AHCYL2: variants seen among roughly 807,000 people sequenced by gnomAD.
AHCYL2 encodes S-adenosylhomocysteine hydrolase-like protein 2.
Under a neutral mutation model 81.4 loss-of-function variants are expected in AHCYL2, and 28 were observed. That is an observed-to-expected ratio of 0.34 (90% CI 0.25 to 0.47). AHCYL2 has a LOEUF of 0.47. Among genes scored for constraint, AHCYL2 ranks in the 20% least tolerant of loss-of-function variants. The pLI is 1.00. For missense variants in AHCYL2, 551 were observed against 785.1 expected (o/e 0.70, Z 3.56); for synonymous variants, 272 against 290.2 (o/e 0.94, Z 0.64).
intron 1 of AHCYL2, among the ~76,000 whole-genome samples, chr7:129,231,826 G>A (rs550791572): frequency 3.9e-5 from 6 of 152,186 alleles, no homozygotes; most frequent in African/African-American, 1.4e-4. Context: ...GATTAAATTA[G>A]ATGATTATTT....
At chr7:129,358,195 C>T (rs1793805422) in intron 1 of AHCYL2, among the ~76,000 whole-genome samples, 9 of 151,830 alleles carry the variant, frequency 5.9e-5, no homozygotes, top group Admixed American at 5.9e-4. Flanking sequence ...AGATTGAGAC[C>T]ATCCTGGCTA....
chr7:129,425,534 C>T (rs558216855), intron 15 of AHCYL2, among the ~76,000 whole-genome samples: 5 of 152,288 alleles, frequency 3.3e-5, no homozygotes, highest in South Asian at 2.1e-4. Context: ...TTTTCTCAGA[C>T]GACACAAGAC....
chr7:129,304,559 T>G (rs1797360682), intron 1 of AHCYL2, among the ~76,000 whole-genome samples: 1 of 152,206 alleles, frequency 6.6e-6, no homozygotes. Context: ...ATCTGGGTGC[T>G]CCAGTGTTGG....
At chr7:129,230,700 G>C (rs1336215189) in intron 1 of AHCYL2, among the ~76,000 whole-genome samples, 1 of 151,370 alleles carries the variant, frequency 6.6e-6, no homozygotes, top group Non-Finnish European at 1.5e-5. Flanking sequence ...AGCCTCCCGA[G>C]TAGCTGGGAC....
chr7:129,405,730 A>G, intron 8 of AHCYL2, 106 bp from the exon 9 acceptor site: 8 of 1,065,758 alleles, frequency 7.5e-6, no homozygotes, highest in Non-Finnish European at 1.1e-5. Context: ...TTTCTTTCAA[A>G]ATGAAAAACC....
chr7:129,327,490 G>C (rs989088523), intron 1 of AHCYL2, among the ~76,000 whole-genome samples: 3 of 152,080 alleles, frequency 2.0e-5, no homozygotes, highest in Non-Finnish European at 4.4e-5. Context: ...TATCTGAGAC[G>C]GAGTCTAGCT....
At chr7:129,246,280 A>G (rs1390648412) in intron 1 of AHCYL2, among the ~76,000 whole-genome samples, 1 of 151,248 alleles carries the variant, frequency 6.6e-6, no homozygotes, top group Non-Finnish European at 1.5e-5. Context: ...CTGGTCTTGA[A>G]CTCCCGACCT....
chr7:129,239,506 G>A (rs7780886), intron 1 of AHCYL2, among the ~76,000 whole-genome samples: 37,905 of 150,992 alleles, frequency 0.25, 4,855 homozygotes, highest in East Asian at 0.42. Flanking sequence ...GAGTGCAATG[G>A]TGTGATCATA....
intron 1 of AHCYL2, among the ~76,000 whole-genome samples, chr7:129,260,939 C>A (rs140010221): frequency 6.6e-6 from 1 of 152,176 alleles, no homozygotes; most frequent in South Asian, 2.1e-4. Context: ...CAGGCGTACG[C>A]CACCACCCTC....
chr7:129,373,113 A>T (rs566626460), intron 1 of AHCYL2, among the ~76,000 whole-genome samples: 331 of 152,120 alleles, frequency 2.2e-3, no homozygotes, highest in African/African-American at 7.3e-3. Flanking sequence ...TTTTTTTTTT[A>T]AATTACAAAA....
chr7:129,374,826 T>C (rs1794596914), intron 1 of AHCYL2, among the ~76,000 whole-genome samples: 1 of 142,148 alleles, frequency 7.0e-6, no homozygotes, highest in Non-Finnish European at 1.5e-5. Flanking sequence ...AAAAAAAAAA[T>C]CTGCCATTTT....
rs1188273830 is a variant in AHCYL2 at position 129,429,507 on chromosome 7, G to A, written c.*2462G>A. On this transcript the variant is annotated 3_prime_UTR_variant, in exon 17 of 17. Coordinates refer to ENST00000325006, the MANE Select transcript of AHCYL2 (RefSeq NM_015328.4). ...AACATTTTCTCTACAATGAATCTGT[G>A]CTAATATTTTGCCTTCTTTCTTTCT... 1 of 152,124 alleles carries A rather than the reference G, an allele frequency of 6.6e-6. No individual in the cohort carries two copies. Among genetic ancestry groups the A allele is most frequent in the Non-Finnish European group, 1.5e-5 (1 of 68,034 alleles). The allele number at this position is 152,124 out of a possible 1,614,324, so 9.4% of individuals were successfully genotyped here.
At chr7:129,343,396 C>T (rs769033382) in intron 1 of AHCYL2, among the ~76,000 whole-genome samples, 1 of 152,100 alleles carries the variant, frequency 6.6e-6, no homozygotes, top group Non-Finnish European at 1.5e-5. Flanking sequence ...GCTGATGTCA[C>T]TTTGTTAGCG....
At chr7:129,262,064 C>T (rs531320020) in intron 1 of AHCYL2, among the ~76,000 whole-genome samples, 2 of 152,262 alleles carry the variant, frequency 1.3e-5, no homozygotes, top group Non-Finnish European at 2.9e-5. Context: ...TTGCACTTTT[C>T]ATAAGCTTAT....
chr7:129,242,667 A>C (rs1794905740), intron 1 of AHCYL2, among the ~76,000 whole-genome samples: 1 of 151,468 alleles, frequency 6.6e-6, no homozygotes, highest in South Asian at 2.1e-4. Context: ...CAGTGAGCTG[A>C]GATCGTGCCA....
chr7:129,277,940 A>G (rs1389445789), intron 1 of AHCYL2, among the ~76,000 whole-genome samples: 1 of 152,222 alleles, frequency 6.6e-6, no homozygotes, highest in Non-Finnish European at 1.5e-5. Flanking sequence ...GTTGTTAAAT[A>G]TCTGGAAGTG....
intron 4 of AHCYL2, among the ~76,000 whole-genome samples, chr7:129,396,917 G>A (rs1029876898): frequency 6.6e-6 from 1 of 152,202 alleles, no homozygotes. Context: ...CTAAGCAGAA[G>A]CAGAACTGTA....
Position 129,348,579 on chromosome 7 carries a change from T to A in AHCYL2, c.364-31059T>A, listed in dbSNP as rs1316548139. On this transcript the variant is annotated intron_variant, in intron 1 of 16. Coordinates refer to ENST00000325006, the MANE Select transcript of AHCYL2 (RefSeq NM_015328.4). The stretch of plus-strand genomic sequence containing the variant: ...GTTAAAAACAAATGAAGAAATAAAA[T>A]TCAGATTTTAGAAACCTATCTTATG... Among the ~76,000 whole-genome samples the A allele has an allele frequency of 2.0e-5, 3 of 152,148 alleles. No homozygotes were observed. In the East Asian group the frequency reaches 5.8e-4, roughly 29 times the overall value.
Position 129,368,510 on chromosome 7 carries a change from G to T in AHCYL2, c.364-11128G>T. ...AGCCTGCACTATGGAGAAGTGGGACGGTAATGAGGGCACCTCAGCTTTTCA... is the reference window on the plus strand; with the variant it reads ...AGCCTGCACTATGGAGAAGTGGGACTGTAATGAGGGCACCTCAGCTTTTCA... On this transcript the variant is annotated intron_variant, in intron 1 of 16. Transcript: ENST00000325006. This position sits in a 1 kb window ranked among gnomAD's most constrained non-coding sequence, Gnocchi z 4.4. The T allele has an allele frequency of 6.2e-7, 1 of 1,613,990 alleles. No homozygotes were observed.
Sources: gnomAD v4.1 joint callset for allele counts (sites outside exome capture counted in the v4.1 genomes callset) on GRCh38, gnomAD v4.1.1 for gene constraint, Gnocchi (gnomAD v3.1) non-coding constraint, MANE v1.5 for transcripts, NCBI Gene and HGNC (gene_info 2026-07-23, HGNC 2026-07-21) for gene names.